KSR2: variants seen among roughly 807,000 people sequenced by gnomAD.
The protein encoded by KSR2 is kinase suppressor of ras 2.
KSR2 carries 25 observed loss-of-function variants against 107.8 expected under a neutral mutation model. The observed-to-expected ratio is 0.23, with a 90% CI of 0.17 to 0.32. KSR2 has a LOEUF of 0.32. KSR2 is among the 10% of genes least tolerant of loss of function. KSR2 has a pLI of 1.00. For synonymous variants in KSR2, 480 were observed against 507.0 expected (o/e 0.95, Z 0.71); for missense variants, 887 against 1,268.9 (o/e 0.70, Z 4.57).
chr12:117,710,738 G>A (rs1886736293), intron 4 of KSR2, among the ~76,000 whole-genome samples: 1 of 152,142 alleles, frequency 6.6e-6, no homozygotes, highest in African/African-American at 2.4e-5. Flanking sequence ...ACATAGTAGG[G>A]TTAAATAAAC....
chr12:117,940,421 A>G (rs1459238803), intron 1 of KSR2, among the ~76,000 whole-genome samples: 1 of 152,076 alleles, frequency 6.6e-6, no homozygotes, highest in Non-Finnish European at 1.5e-5. Flanking sequence ...ATAGAAACCC[A>G]CGTATTTTGA....
At chr12:117,519,785 T>TGTGTGTGTGCAC (rs1874626270) in intron 14 of KSR2, among the ~76,000 whole-genome samples, 1 of 150,680 alleles carries the variant, frequency 6.6e-6, no homozygotes, top group African/African-American at 2.5e-5. Context: ...TGTGTGTGCG[T>TGTGTGTGTGCAC]GTGTGTGTGT....
rs931465004 is a variant in KSR2 at position 117,640,911 on chromosome 12, C to G, written c.1171+26563G>C. The stretch of plus-strand genomic sequence containing the variant: ...CAAAAGCACCCAGTTTACTCCCAGA[C>G]TGATTATACAGTCACTGGGAAACGG... On this transcript the variant is annotated intron_variant, in intron 5 of 19. Coordinates refer to ENST00000339824, the MANE Select transcript of KSR2 (RefSeq NM_173598.6). Among the ~76,000 whole-genome samples the G allele has an allele frequency of 3.3e-5, 5 of 152,180 alleles. No homozygotes were observed. The South Asian group carries it at 1.0e-3, about 32-fold the overall frequency.
chr12:117,814,543 T>C (rs755173936), intron 3 of KSR2, among the ~76,000 whole-genome samples: 1 of 151,908 alleles, frequency 6.6e-6, no homozygotes, highest in Non-Finnish European at 1.5e-5. Context: ...AGGGCGGAGA[T>C]TAAATAAACT....
chr12:117,492,550 C>G (rs1872801730), intron 14 of KSR2, among the ~76,000 whole-genome samples: 1 of 152,192 alleles, frequency 6.6e-6, no homozygotes, highest in Non-Finnish European at 1.5e-5. Flanking sequence ...ACAGGCTCTG[C>G]CTCTATAACC....
chr12:117,540,756 A>G (rs1876427377), intron 9 of KSR2, among the ~76,000 whole-genome samples: 1 of 152,222 alleles, frequency 6.6e-6, no homozygotes, highest in Non-Finnish European at 1.5e-5. Flanking sequence ...AGAGACTGGG[A>G]GAGAGGCATG....
At chr12:117,492,271 C>T (rs1347376943) in intron 14 of KSR2, among the ~76,000 whole-genome samples, 1 of 152,216 alleles carries the variant, frequency 6.6e-6, no homozygotes, top group South Asian at 2.1e-4. Flanking sequence ...TTGTCAGAAA[C>T]AATGAGATAA....
chr12:117,545,352 G>C (rs1876779347), intron 9 of KSR2, among the ~76,000 whole-genome samples: 2 of 152,164 alleles, frequency 1.3e-5, no homozygotes, highest in African/African-American at 4.8e-5. Context: ...TTTTGGAAGA[G>C]ATTGTGTACA....
chr12:117,595,442 G>A (rs539100710), intron 5 of KSR2, among the ~76,000 whole-genome samples: 2 of 132,346 alleles, frequency 1.5e-5, no homozygotes, highest in Admixed American at 1.9e-4. Context: ...TCGGCTCACT[G>A]CAAGCTCCGC....
chr12:117,763,119 C>G (rs2136880407), intron 3 of KSR2, among the ~76,000 whole-genome samples: 1 of 151,974 alleles, frequency 6.6e-6, no homozygotes, highest in South Asian at 2.1e-4. Flanking sequence ...CAATTCCCAC[C>G]TATGAGTGAG....
chr12:117,732,094 C>T (rs1887748191), intron 4 of KSR2, among the ~76,000 whole-genome samples: 1 of 151,778 alleles, frequency 6.6e-6, no homozygotes, highest in Non-Finnish European at 1.5e-5. Flanking sequence ...CCCTGAGGTG[C>T]CACAGTTCTC....
chr12:117,800,832 T>G (rs1890808608), intron 3 of KSR2, among the ~76,000 whole-genome samples: 1 of 152,034 alleles, frequency 6.6e-6, no homozygotes, highest in Non-Finnish European at 1.5e-5. Context: ...CTCCCACTTA[T>G]AAGTGAGAAC....
At chr12:117,518,763 C>T (rs1401927125) in intron 14 of KSR2, among the ~76,000 whole-genome samples, 2 of 152,234 alleles carry the variant, frequency 1.3e-5, no homozygotes, top group Non-Finnish European at 2.9e-5. Context: ...CAATCTCATA[C>T]CTACCCCAGG....
At chr12:117,712,032 T>C (rs942802662) in intron 4 of KSR2, among the ~76,000 whole-genome samples, 1 of 152,084 alleles carries the variant, frequency 6.6e-6, no homozygotes, top group South Asian at 2.1e-4. Context: ...AAGATCCAGG[T>C]TTGAATCACC....
At chr12:117,838,219 A>G (rs7488322) in intron 3 of KSR2, among the ~76,000 whole-genome samples, 134,348 of 152,272 alleles carry the variant, frequency 0.88, 59,491 homozygotes, top group Middle Eastern at 0.98. Flanking sequence ...CCGGGCTGGA[A>G]TGCAATGGCA....
intron 5 of KSR2, among the ~76,000 whole-genome samples, chr12:117,590,501 G>T (rs2136266505): frequency 6.6e-6 from 1 of 152,306 alleles, no homozygotes; most frequent in African/African-American, 2.4e-5. Flanking sequence ...AGGATTAAGT[G>T]GGGTGATATA....
chr12:117,664,744 C>T (rs1175283157), intron 5 of KSR2, among the ~76,000 whole-genome samples: 1 of 152,086 alleles, frequency 6.6e-6, no homozygotes. Flanking sequence ...ACAATGCAGG[C>T]TAGATTGGAT....
intron 3 of KSR2, among the ~76,000 whole-genome samples, chr12:117,794,276 C>T (rs963238935): frequency 4.1e-4 from 34 of 82,190 alleles, no homozygotes; most frequent in Middle Eastern, 9.4e-3. Context: ...CATGCACACA[C>T]ACCAACATGC....
intron 3 of KSR2, among the ~76,000 whole-genome samples, chr12:117,836,157 AG>A (rs1892204700): frequency 6.6e-6 from 1 of 152,294 alleles, no homozygotes; most frequent in Non-Finnish European, 1.5e-5. Flanking sequence ...AAGTACTAAA[AG>A]GGGTCAGAAC....
Sources: gnomAD v4.1 joint callset for allele counts (sites outside exome capture counted in the v4.1 genomes callset) on GRCh38, gnomAD v4.1.1 for gene constraint, MANE v1.5 for transcripts, NCBI Gene and HGNC (gene_info 2026-07-23, HGNC 2026-07-21) for gene names.